NTRK2: variants seen among roughly 807,000 people sequenced by gnomAD.
The protein encoded by NTRK2 is neurotrophic receptor tyrosine kinase 2, also known as BDNF/NT-3 growth factors receptor.
NTRK2 carries 13 observed loss-of-function variants against 94.5 expected under a neutral mutation model. The ratio of observed to expected loss-of-function variants is 0.14; its 90% CI spans 0.09 to 0.22. The LOEUF (loss-of-function observed/expected upper bound fraction) is 0.22. Among genes scored for constraint, NTRK2 ranks in the 10% least tolerant of loss-of-function variants. NTRK2 has a pLI of 1.00. For missense variants in NTRK2, 639 were observed against 1,071.2 expected, an observed-to-expected ratio of 0.60 and a Z score of 5.63; for synonymous variants, 372 against 407.4, an observed-to-expected ratio of 0.91 and a Z score of 1.05.
intron 9 of NTRK2, among the ~76,000 whole-genome samples, chr9:84,741,129 T>C (rs1362727215): frequency 7.6e-6 from 1 of 131,454 alleles, no homozygotes; most frequent in Non-Finnish European, 1.6e-5. Context: ...TGTTACCAGT[T>C]CTTGTTGATG....
chr9:84,810,550 T>G, intron 12 of NTRK2: 1 of 1,613,910 alleles, frequency 6.2e-7, no homozygotes, highest in South Asian at 1.1e-5. Flanking sequence ...AGGTTTTGTT[T>G]TGTTTCATAA....
At chr9:84,785,819 G>T (rs951277827) in intron 12 of NTRK2, among the ~76,000 whole-genome samples, 5 of 152,088 alleles carry the variant, frequency 3.3e-5, no homozygotes, top group African/African-American at 1.2e-4. Context: ...AGAGTTGTGG[G>T]ACTAACTCTT....
chr9:84,784,555 T>C (rs906582301), intron 12 of NTRK2, among the ~76,000 whole-genome samples: 1 of 152,146 alleles, frequency 6.6e-6, no homozygotes, highest in African/African-American at 2.4e-5. Context: ...CTGTGTACAT[T>C]TGGGTACGTG....
intron 13 of NTRK2, among the ~76,000 whole-genome samples, chr9:84,864,698 C>T (rs2075496109): frequency 6.9e-6 from 1 of 144,734 alleles, no homozygotes; most frequent in South Asian, 2.3e-4. Flanking sequence ...GTTTTGTTGA[C>T]AAGATGCGGA....
chr9:84,875,085 T>C (rs2076014010), intron 14 of NTRK2: 7 of 1,060,172 alleles, frequency 6.6e-6, no homozygotes, highest in Non-Finnish European at 6.8e-6. Context: ...TAACCACTGA[T>C]ATCGTTTGGA....
intron 14 of NTRK2, among the ~76,000 whole-genome samples, chr9:84,893,937 C>T (rs1564440349): frequency 6.6e-6 from 1 of 152,084 alleles, no homozygotes; most frequent in Non-Finnish European, 1.5e-5. Context: ...CATTCAGGAA[C>T]AAAGAGAGGG....
At chr9:84,817,993 T>G (rs922106476) in intron 12 of NTRK2, among the ~76,000 whole-genome samples, 2 of 152,214 alleles carry the variant, frequency 1.3e-5, no homozygotes, top group African/African-American at 2.4e-5. Context: ...ATTTTACTAT[T>G]GCTACCACCT....
chr9:84,783,556 G>A (rs2067821845), intron 12 of NTRK2, among the ~76,000 whole-genome samples: 1 of 152,198 alleles, frequency 6.6e-6, no homozygotes, highest in Non-Finnish European at 1.5e-5. Flanking sequence ...TGTGAAGTCA[G>A]TGGATACTTT....
chr9:84,858,729 A>G (rs1255312907), intron 12 of NTRK2, among the ~76,000 whole-genome samples: 1 of 151,674 alleles, frequency 6.6e-6, no homozygotes, highest in Non-Finnish European at 1.5e-5. Context: ...CTCTTTGAAG[A>G]CTGTTCTGCC....
At position 85,022,718 on chromosome 9, in the gene NTRK2, G is replaced by A; in HGVS notation, c.*1281G>A. 4.3e-6 allele frequency: 1 copy of A among 233,220 alleles called. No homozygotes were observed. The highest frequency in any genetic ancestry group is 2.2e-5 in the African/African-American group (1 of 45,438). 14.4% of individuals were successfully genotyped at this position (233,220 alleles called of 1,614,324 possible). ...ATAGGTAGAGCAGATCCATAAAAAG[G>A]TATGACTTATACAATTAGGGGAAGC... On this transcript the variant is annotated 3_prime_UTR_variant, in exon 19 of 19. Transcript: ENST00000277120.
Position 85,025,866 on chromosome 9 carries a change from T to G in NTRK2, c.*4429T>G. 1 of 232,634 alleles carries G rather than the reference T, an allele frequency of 4.3e-6. No individual in the cohort carries two copies. Among genetic ancestry groups the G allele is most frequent in the Non-Finnish European group, 8.5e-6 (1 of 117,752 alleles). 14.4% of individuals were successfully genotyped at this position (232,634 alleles called of 1,614,324 possible). A position where few individuals can be genotyped will look rare whatever the true frequency, so the allele number is the denominator to read the frequency against. ...AATTGGAATGTGGAGCCTCTGAGGT[T>G]GTGATAGCTTGTACATGAATTTCAA... On this transcript the variant is annotated 3_prime_UTR_variant, in exon 19 of 19. Coordinates refer to ENST00000277120, the MANE Select transcript of NTRK2 (RefSeq NM_006180.6).
At chr9:84,765,862 T>C (rs569711717) in intron 12 of NTRK2, among the ~76,000 whole-genome samples, 1 of 152,256 alleles carries the variant, frequency 6.6e-6, no homozygotes, top group Non-Finnish European at 1.5e-5. Context: ...CATCATACTG[T>C]TGGTTTCATC....
intron 12 of NTRK2, among the ~76,000 whole-genome samples, chr9:84,772,243 T>G (rs1588494045): frequency 6.6e-6 from 1 of 152,146 alleles, no homozygotes. Context: ...CATTTACTTG[T>G]TCTCCCTATA....
chr9:84,761,536 C>G (rs2065564717), intron 12 of NTRK2, among the ~76,000 whole-genome samples: 1 of 152,168 alleles, frequency 6.6e-6, no homozygotes, highest in East Asian at 1.9e-4. Context: ...GCTTTAATAT[C>G]TACCACCTTG....
intron 2 of NTRK2, among the ~76,000 whole-genome samples, chr9:84,685,293 G>GA (rs1387745709): frequency 6.6e-6 from 1 of 151,326 alleles, no homozygotes; most frequent in Non-Finnish European, 1.5e-5. Flanking sequence ...CCTGTTTAGG[G>GA]ATCTAGCCTA....
intron 11 of NTRK2, among the ~76,000 whole-genome samples, chr9:84,746,330 A>G (rs974383441): frequency 6.6e-6 from 1 of 152,160 alleles, no homozygotes; most frequent in African/African-American, 2.4e-5. Context: ...GGGGTGGAGT[A>G]GTTGCAGCAG....
intron 16 of NTRK2, among the ~76,000 whole-genome samples, chr9:84,949,690 T>C (rs562260872): frequency 3.3e-5 from 5 of 152,288 alleles, no homozygotes; most frequent in African/African-American, 1.2e-4. Flanking sequence ...GGTCTCGAAC[T>C]CCTGACCTCG....
At chr9:85,016,396 C>A (rs957464733) in intron 17 of NTRK2, among the ~76,000 whole-genome samples, 2 of 152,102 alleles carry the variant, frequency 1.3e-5, no homozygotes, top group Non-Finnish European at 2.9e-5. Flanking sequence ...ACCATGAGAC[C>A]CCATTCAACT....
intron 12 of NTRK2, among the ~76,000 whole-genome samples, chr9:84,763,074 G>T (rs2065726878): frequency 6.6e-6 from 1 of 152,088 alleles, no homozygotes; most frequent in African/African-American, 2.4e-5. Flanking sequence ...TTGCAGCTTT[G>T]GGGACATGGA....
Sources: gnomAD v4.1 joint callset for allele counts (sites outside exome capture counted in the v4.1 genomes callset) on GRCh38, gnomAD v4.1.1 for gene constraint, MANE v1.5 for transcripts, NCBI Gene and HGNC (gene_info 2026-07-23, HGNC 2026-07-21) for gene names.